The following BRCA1 variants were observed in gnomAD, a reference collection of about 807,000 sequenced individuals.
BRCA1 encodes BRCA1 DNA repair associated, also known as breast cancer type 1 susceptibility protein.
In BRCA1, 140 loss-of-function variants were observed where a neutral mutation model predicts 173.7. That is an observed-to-expected ratio of 0.81 (90% CI 0.70 to 0.93). The LOEUF (loss-of-function observed/expected upper bound fraction) is 0.93. BRCA1 is among the 40% of genes least tolerant of loss of function. BRCA1 has a pLI of 0.00. For synonymous variants in BRCA1, 662 were observed against 756.0 expected (o/e 0.88, Z 2.04); for missense variants, 1,983 against 2,172.5 (o/e 0.91, Z 1.73).
chr17:43,155,653 C>A (rs1479788758), intron 1 of BRCA1, among the ~76,000 whole-genome samples: 36 of 152,124 alleles, frequency 2.4e-4, no homozygotes, highest in Admixed American at 2.4e-3. Context: ...GTGCCTCAGC[C>A]TTCCAAGTAG....
upstream of BRCA1, among the ~76,000 whole-genome samples, chr17:43,126,129 T>G (rs2055865622): frequency 2.6e-5 from 4 of 152,350 alleles, no homozygotes; most frequent in South Asian, 6.2e-4. Context: ...GGGGACGCAG[T>G]GAGCGCCGAA....
intron 20 of BRCA1, among the ~76,000 whole-genome samples, chr17:43,050,789 C>T (rs991916613): frequency 6.6e-6 from 1 of 152,156 alleles, no homozygotes; most frequent in African/African-American, 2.4e-5. Flanking sequence ...CATGTTGGCA[C>T]TAACAGCAGC....
At chr17:43,066,004 T>G (rs779960384) in intron 16 of BRCA1, among the ~76,000 whole-genome samples, 1 of 152,252 alleles carries the variant, frequency 6.6e-6, no homozygotes, top group African/African-American at 2.4e-5. Context: ...TCAGTGACCA[T>G]GTTAAAAACC....
At chr17:43,056,953 A>T (rs2153337869) in intron 19 of BRCA1, 99 bp downstream of exon 19, 1 of 1,084,236 alleles carries the variant, frequency 9.2e-7, no homozygotes, top group South Asian at 1.2e-5. Flanking sequence ...GTATGTATGT[A>T]ATAAGTCTTA....
At position 43,093,202 on chromosome 17, in the gene BRCA1, A is replaced by G. The variant is rs397507199; in HGVS notation, c.2329T>C (p.Tyr777His). ...SSISLVPGTDYGTQESISLLE... is the reference protein window; with the variant it reads ...SSISLVPGTDHGTQESISLLE... ...AACGAGATACTTTCCTGAGTGCCATAATCAGTACCAGGTACCAATGAAATA... is the reference window on the plus strand; with the variant it reads ...AACGAGATACTTTCCTGAGTGCCATGATCAGTACCAGGTACCAATGAAATA... Residue 777 changes from tyrosine to histidine, a missense_variant, in exon 10 of 23, where the codon TAT becomes CAT. Tyr to His is a moderately conservative substitution (Grantham distance 83). Coordinates refer to ENST00000357654, the MANE Select transcript of BRCA1 (RefSeq NM_007294.4). The G allele has an allele frequency of 6.2e-7, 1 of 1,613,998 alleles. No homozygotes were observed. Among genetic ancestry groups the G allele is most frequent in the Non-Finnish European group, 8.5e-7 (1 of 1,179,974 alleles).
At chr17:43,140,688 C>T (rs993079995) in intron 1 of BRCA1, among the ~76,000 whole-genome samples, 7 of 152,164 alleles carry the variant, frequency 4.6e-5, no homozygotes, top group African/African-American at 1.7e-4. Flanking sequence ...GCATGCTGTC[C>T]CACACTGTCT....
chr17:43,123,349 G>GTTTTTTTTTTT (rs149379936), intron 2 of BRCA1, among the ~76,000 whole-genome samples: 1 of 85,166 alleles, frequency 1.2e-5, no homozygotes, highest in African/African-American at 5.9e-5. Flanking sequence ...GATCATCCAT[G>GTTTTTTTTTTT]TTTTTTTTTT....
intron 1 of BRCA1, chr17:43,139,957 G>A (rs1390168117): frequency 2.0e-6 from 1 of 495,626 alleles, no homozygotes. Context: ...AAATCCCTTG[G>A]AATTTTCTGC....
chr17:43,153,479 G>A (rs1300428587), intron 1 of BRCA1: 1 of 152,182 alleles, frequency 6.6e-6, no homozygotes, highest in Non-Finnish European at 1.5e-5. Flanking sequence ...AAAAAATGAT[G>A]TAATATATGT....
chr17:43,111,066 A>G lies in BRCA1; in HGVS notation c.135-4533T>C, dbSNP rs147766773. On this transcript the variant is annotated intron_variant, in intron 3 of 22. Transcript: ENST00000357654. ...CAGTGAGCCGAGATTGTACCACTGC[A>G]CTCCAGCCTGGGCAACAGAACAAGA... 7.4e-3 allele frequency among the ~76,000 whole-genome samples: 1,098 copies of G among 148,990 alleles called. 19 individuals are homozygous for G. The highest frequency in any genetic ancestry group is 0.026 in the African/African-American group (1,053 of 40,520).
chr17:43,135,052 C>CT (rs1179695050), intron 1 of BRCA1, among the ~76,000 whole-genome samples: 1 of 152,260 alleles, frequency 6.6e-6, no homozygotes, highest in African/African-American at 2.4e-5. Context: ...GTGGAGGGTA[C>CT]TTTCCCAGCC....
Position 43,045,372 on chromosome 17 carries a change from G to A in BRCA1, c.*306C>T, listed in dbSNP as rs1336759680. The A allele has an allele frequency of 1.6e-6, 1 of 607,398 alleles. No individual in the cohort carries two copies. The highest frequency in any genetic ancestry group is 1.8e-5 in the African/African-American group (1 of 55,606). The allele number at this position is 607,398 out of a possible 1,614,324, so 37.6% of individuals were successfully genotyped here. On this transcript the variant is annotated 3_prime_UTR_variant, in exon 23 of 23. Coordinates refer to ENST00000357654, the MANE Select transcript of BRCA1 (RefSeq NM_007294.4). ...AACAACAGCCTGAATAGAAAGAATA[G>A]GGCTGATAAATAATGAATCAGCATC...
At chr17:43,115,621 A>G (rs2055232801) in intron 3 of BRCA1, 105 bp downstream of exon 3, 2 of 1,145,146 alleles carry the variant, frequency 1.7e-6, no homozygotes, top group Non-Finnish European at 2.5e-6. Context: ...TTTCGTTCTC[A>G]CTTAATTGAA....
intron 8 of BRCA1, among the ~76,000 whole-genome samples, chr17:43,096,571 C>CAA (rs34226398): frequency 6.7e-5 from 6 of 89,506 alleles, no homozygotes; most frequent in Admixed American, 1.2e-4. Context: ...ACCCCGTCTC[C>CAA]AAAAAAAAAA....
At chr17:43,160,207 AATTTTTTTGT>A (rs989536275) in intron 1 of BRCA1, 2 of 151,930 alleles carry the variant, frequency 1.3e-5, no homozygotes, top group African/African-American at 4.8e-5. Context: ...ACACCTGGCT[AATTTTTTTGT>A]ATTTTTTTAG....
intron 12 of BRCA1, chr17:43,079,660 G>A: frequency 2.3e-6 from 2 of 880,718 alleles, no homozygotes; most frequent in Non-Finnish European, 3.9e-6. Context: ...AAGCCAAAGA[G>A]AAAGGTACGT....
chr17:43,076,638 A>G, intron 12 of BRCA1, 24 bp from the exon 13 acceptor site: 1 of 1,611,120 alleles, frequency 6.2e-7, no homozygotes, highest in Non-Finnish European at 8.5e-7. Context: ...GAGAAAACAA[A>G]TCTACTTTAC....
At position 43,091,795 on chromosome 17, in the gene BRCA1, T is replaced by C. The variant is rs587776488; in HGVS notation, c.3736A>G (p.Thr1246Ala). The change falls in exon 10 of 23, where the codon ACC becomes GCC. Residue 1246 changes from threonine (T) to alanine (A), a missense_variant. By Grantham distance (58) the Thr-to-Ala change is moderately conservative (BLOSUM62 0). Transcript: ENST00000357654. Reference protein sequence around the residue: ...NIPSQSTRHSTVATECLSKNT... With the variant: ...NIPSQSTRHSAVATECLSKNT... ...TTAGACAGACACTCGGTAGCAACGG[T>C]GCTATGCCTAGTAGACTGAGAAGGT... 1 of 1,614,230 alleles carries C rather than the reference T, an allele frequency of 6.2e-7. No individual in the cohort carries two copies. The highest frequency in any genetic ancestry group is 1.1e-5 in the South Asian group (1 of 91,082).
chr17:43,122,893 A>AT, intron 2 of BRCA1, among the ~76,000 whole-genome samples: 1 of 151,574 alleles, frequency 6.6e-6, no homozygotes, highest in Admixed American at 6.6e-5. Flanking sequence ...AAAAAAGAAA[A>AT]AAAAATACAA....
Sources: allele counts gnomAD v4.1 joint callset (sites outside exome capture counted in the v4.1 genomes callset), GRCh38; gene constraint gnomAD v4.1.1; transcripts MANE v1.5; gene names NCBI Gene and HGNC (gene_info 2026-07-23, HGNC 2026-07-21).